TPD52L1: variants seen among roughly 807,000 people sequenced by gnomAD.
TPD52L1 encodes the protein tumor protein D53.
A neutral mutation model predicts 28.7 loss-of-function variants in TPD52L1; 18 were observed. The observed-to-expected ratio is 0.63, with a 90% CI of 0.43 to 0.93. TPD52L1 has a LOEUF of 0.93. Among genes scored for constraint, TPD52L1 ranks in the 40% least tolerant of loss-of-function variants. The pLI, the probability that TPD52L1 is intolerant of heterozygous loss-of-function variation, is 0.00. For missense variants in TPD52L1, 203 were observed against 254.8 expected (o/e 0.80, Z 1.39); for synonymous variants, 75 against 88.8 (o/e 0.84, Z 0.88).
intron 1 of TPD52L1, among the ~76,000 whole-genome samples, chr6:125,170,989 T>C (rs1278392453): frequency 6.6e-6 from 1 of 152,158 alleles, no homozygotes; most frequent in African/African-American, 2.4e-5. Context: ...CCAGAATGTG[T>C]ATTCCTCATC....
intron 1 of TPD52L1, among the ~76,000 whole-genome samples, chr6:125,163,401 G>A (rs568340): frequency 0.39 from 59,665 of 151,624 alleles, 12,936 homozygotes; most frequent in African/African-American, 0.59. Flanking sequence ...AGACAACATA[G>A]CAAAACCCTG....
intron 1 of TPD52L1, among the ~76,000 whole-genome samples, chr6:125,204,691 G>A (rs1281907592): frequency 6.6e-6 from 1 of 152,142 alleles, no homozygotes; most frequent in African/African-American, 2.4e-5. Context: ...GTGTTAGCCA[G>A]GATGGTCTCG....
At chr6:125,248,248 A>T in intron 3 of TPD52L1, 34 bp from the exon 4 acceptor site, 1 of 1,524,204 alleles carries the variant, frequency 6.6e-7, no homozygotes, top group Non-Finnish European at 9.1e-7. Flanking sequence ...GGAGATCATG[A>T]TATAAAAACC....
Position 125,263,136 on chromosome 6 carries a change from G to C in TPD52L1, c.*174G>C. On this transcript the variant is annotated 3_prime_UTR_variant, in exon 7 of 7. Coordinates refer to ENST00000534000, the MANE Select transcript of TPD52L1 (RefSeq NM_003287.4). ...GATTTCCATTTGTATTTGTGTTGAT[G>C]ATGGACCACTTGACCATCACATTTC... is the stretch of plus-strand genomic sequence containing the variant. 2.7e-6 allele frequency: 2 copies of C among 728,728 alleles called. No homozygotes were observed. Among genetic ancestry groups the C allele is most frequent in the Non-Finnish European group, 4.3e-6 (2 of 463,932 alleles). 45.1% of individuals were successfully genotyped at this position (728,728 alleles called of 1,614,324 possible). A position where few individuals can be genotyped will look rare whatever the true frequency, so the allele number is the denominator to read the frequency against.
intron 1 of TPD52L1, among the ~76,000 whole-genome samples, chr6:125,159,777 C>T (rs113035145): frequency 0.084 from 9,369 of 111,142 alleles, 458 homozygotes; most frequent in African/African-American, 0.28. Flanking sequence ...TGTTAGTAGA[C>T]GTGTGAGCAA....
At chr6:125,203,638 C>G (rs1793934114) in intron 1 of TPD52L1, 1 of 985,258 alleles carries the variant, frequency 1.0e-6, no homozygotes, top group African/African-American at 1.7e-5. Flanking sequence ...ACAGCAGAAA[C>G]CCTTGGTGTG....
chr6:125,172,566 A>G (rs1489852256), intron 1 of TPD52L1, among the ~76,000 whole-genome samples: 1 of 109,698 alleles, frequency 9.1e-6, no homozygotes, highest in Non-Finnish European at 1.8e-5. Context: ...TATATACTAT[A>G]TGGCATGAAA....
At chr6:125,177,190 C>T (rs997879379) in intron 1 of TPD52L1, among the ~76,000 whole-genome samples, 2 of 152,176 alleles carry the variant, frequency 1.3e-5, no homozygotes, top group Non-Finnish European at 2.9e-5. Context: ...GCTAGCTCAT[C>T]ATTGGCCATT....
intron 4 of TPD52L1, among the ~76,000 whole-genome samples, chr6:125,249,842 A>G (rs1381867941): frequency 6.6e-6 from 1 of 152,008 alleles, no homozygotes; most frequent in Non-Finnish European, 1.5e-5. Flanking sequence ...TTCATTCACT[A>G]TTTTAACAAC....
intron 2 of TPD52L1, among the ~76,000 whole-genome samples, chr6:125,222,665 A>G (rs552046900): frequency 1.1e-4 from 16 of 152,300 alleles, no homozygotes; most frequent in African/African-American, 3.8e-4. Context: ...TGAATATGGG[A>G]CCTGAGTCAC....
At chr6:125,262,476 A>C (rs1798117059) in intron 6 of TPD52L1, 1 of 161,912 alleles carries the variant, frequency 6.2e-6, no homozygotes, top group African/African-American at 2.4e-5. Context: ...TGGAGGAATT[A>C]ATAAAAAATC....
chr6:125,154,397 A>C, intron 1 of TPD52L1: 1 of 994,544 alleles, frequency 1.0e-6, no homozygotes, highest in Middle Eastern at 5.1e-4. Flanking sequence ...TGTGGCTCCC[A>C]AGTTAGGGAG....
chr6:125,261,140 T>C (rs1157688325), intron 6 of TPD52L1: 1 of 152,112 alleles, frequency 6.6e-6, no homozygotes, highest in Non-Finnish European at 1.5e-5. Context: ...TGAGTATCTG[T>C]GAGAGCAACA....
intron 1 of TPD52L1, chr6:125,203,622 A>G: frequency 1.0e-6 from 1 of 985,398 alleles, no homozygotes; most frequent in South Asian, 4.7e-5. Flanking sequence ...CTGAAATGCT[A>G]ATGACACAGC....
chr6:125,210,997 C>T (rs1257527478), intron 1 of TPD52L1, among the ~76,000 whole-genome samples: 3 of 152,102 alleles, frequency 2.0e-5, no homozygotes, highest in Non-Finnish European at 2.9e-5. Flanking sequence ...AGCAAAATAT[C>T]GGGATGAATT....
At chr6:125,245,975 G>A (rs1340947959) in intron 3 of TPD52L1, among the ~76,000 whole-genome samples, 1 of 152,168 alleles carries the variant, frequency 6.6e-6, no homozygotes, top group Non-Finnish European at 1.5e-5. Context: ...CACGCCCAGT[G>A]GCAATTATTA....
chr6:125,185,000 G>A (rs1461308483), intron 1 of TPD52L1, among the ~76,000 whole-genome samples: 2 of 152,076 alleles, frequency 1.3e-5, no homozygotes, highest in South Asian at 2.1e-4. Flanking sequence ...TTAAAGGTTA[G>A]GGAAGTGAAA....
In TPD52L1 at chr6:125,248,344, A is replaced by G. The variant is rs921257679; in HGVS notation, c.347A>G (p.Asn116Ser). ...CAAAAGGCAACTGCAGCTTTCAGCA[A>G]CGTTGGAACGGCCATCAGCAAGAAG... ...AGQKATAAFSNVGTAISKKFG... is the reference protein window; with the variant it reads ...AGQKATAAFSSVGTAISKKFG... The change falls in exon 4 of 7, where the codon AAC becomes AGC. Residue 116 changes from asparagine (N) to serine (S), a missense_variant. Physicochemically the swap from Asn to Ser is conservative, Grantham distance 46 (BLOSUM62 1). Transcript: ENST00000534000. 12 of 1,614,102 alleles carry G rather than the reference A, an allele frequency of 7.4e-6. No individual in the cohort carries two copies. The highest frequency in any genetic ancestry group is 1.6e-4 in the Middle Eastern group (1 of 6,084).
chr6:125,242,045 G>T (rs1796643923), intron 3 of TPD52L1, among the ~76,000 whole-genome samples: 1 of 151,866 alleles, frequency 6.6e-6, no homozygotes, highest in South Asian at 2.1e-4. Context: ...TCAGTTCAAA[G>T]AATTTTTTAA....
Sources: gnomAD v4.1 joint callset for allele counts (sites outside exome capture counted in the v4.1 genomes callset) on GRCh38, gnomAD v4.1.1 for gene constraint, MANE v1.5 for transcripts, NCBI Gene and HGNC (gene_info 2026-07-23, HGNC 2026-07-21) for gene names.